Variants in CUX1 observed in about 807,000 individuals in gnomAD.
CUX1 encodes the protein cut like homeobox 1.
A neutral mutation model predicts 158.8 loss-of-function variants in CUX1; 31 were observed. The ratio of observed to expected loss-of-function variants is 0.20; its 90% CI spans 0.15 to 0.26. The LOEUF (loss-of-function observed/expected upper bound fraction) is 0.26, where lower values mean the gene tolerates loss of function less well. Among genes scored for constraint, CUX1 ranks in the 10% least tolerant of loss-of-function variants. CUX1 has a pLI of 1.00. For missense variants in CUX1, 1,589 were observed against 2,014.6 expected, an observed-to-expected ratio of 0.79 and a Z score of 4.04; for synonymous variants, 879 against 862.1, an observed-to-expected ratio of 1.02 and a Z score of -0.34.
At chr7:101,946,187 C>G (rs1808343103) in intron 2 of CUX1, among the ~76,000 whole-genome samples, 1 of 152,108 alleles carries the variant, frequency 6.6e-6, no homozygotes, top group African/African-American at 2.4e-5. Flanking sequence ...CGGCAGCTTT[C>G]TCTGGACCCG....
chr7:102,085,362 A>G (rs1393228631), intron 4 of CUX1, among the ~76,000 whole-genome samples: 1 of 152,112 alleles, frequency 6.6e-6, no homozygotes, highest in Non-Finnish European at 1.5e-5. Context: ...TTCCCATGCT[A>G]TCTCATCTTG....
At chr7:101,896,267 G>A (rs1801506374) in intron 1 of CUX1, among the ~76,000 whole-genome samples, 1 of 152,090 alleles carries the variant, frequency 6.6e-6, no homozygotes, top group African/African-American at 2.4e-5. Flanking sequence ...GCAGGTCGTG[G>A]GCAGCCTTGC....
chr7:101,901,264 T>C (rs536025260), intron 1 of CUX1, among the ~76,000 whole-genome samples: 9 of 152,054 alleles, frequency 5.9e-5, no homozygotes, highest in Non-Finnish European at 7.4e-5. Flanking sequence ...TCACCAGCCT[T>C]CTTCTACTTG....
intron 2 of CUX1, among the ~76,000 whole-genome samples, chr7:102,019,185 C>T (rs898994083): frequency 3.3e-5 from 5 of 152,014 alleles, no homozygotes; most frequent in Non-Finnish European, 7.4e-5. Flanking sequence ...ACCGCCCCCG[C>T]GCCCCCCTCC....
chr7:102,201,833 A>G lies in CUX1; in HGVS notation c.2536A>G (p.Thr846Ala), dbSNP rs2132036802. ...ASSEEAKAEE[T>A]GGGKEKGSGG... ...CTCCGAGGAGGCCAAGGCCGAAGAAACGGGCGGCGGGAAAGAGAAGGGCAG... is the reference window on the plus strand; with the variant it reads ...CTCCGAGGAGGCCAAGGCCGAAGAAGCGGGCGGCGGGAAAGAGAAGGGCAG... The change falls in exon 18 of 24, where the codon ACG becomes GCG. Residue 846 changes from threonine (T) to alanine (A), a missense_variant. Thr to Ala is a moderately conservative substitution (Grantham distance 58). Around this residue, in one of 8 missense-constraint regions of CUX1, gnomAD observed 337 missense variants for 409.3 expected, o/e 0.82. Transcript: ENST00000292535. The surrounding 1 kb of genome is among the most constrained non-coding windows in gnomAD (Gnocchi z 5.0). The G allele has an allele frequency of 1.2e-6, 2 of 1,613,142 alleles. No individual in the cohort carries two copies. The highest frequency in any genetic ancestry group is 1.7e-6 in the Non-Finnish European group (2 of 1,179,866).
chr7:102,118,616 T>G (rs1165593607), intron 8 of CUX1, among the ~76,000 whole-genome samples: 1 of 152,182 alleles, frequency 6.6e-6, no homozygotes, highest in Non-Finnish European at 1.5e-5. Context: ...AAAGACTGAC[T>G]TGGGATTGAT....
chr7:102,253,719 G>A lies in CUX1; in HGVS notation c.*4677G>A. ...ATGACAGGCGCTTCTTGGCAGACCA[G>A]TAAAAACAAAAGCCCATAGACCTTA... On this transcript the variant is annotated 3_prime_UTR_variant, in exon 24 of 24. Transcript: ENST00000292535. 1 of 985,432 alleles carries A rather than the reference G, an allele frequency of 1.0e-6. No homozygotes were observed. The highest frequency in any genetic ancestry group is 1.2e-6 in the Non-Finnish European group (1 of 829,948). 61.0% of individuals were successfully genotyped at this position (985,432 alleles called of 1,614,324 possible).
chr7:102,222,806 C>T lies in CUX1; in HGVS notation c.3131-4561C>T, dbSNP rs545298826. On this transcript the variant is annotated intron_variant, in intron 20 of 23. Transcript: ENST00000292535. The stretch of plus-strand genomic sequence containing the variant: ...CTCCTGGCTGTGTGTCTCGGGGCAC[C>T]GTATCTTTTTTTTTTTTTTTTTTTT... 4.3e-4 allele frequency among the ~76,000 whole-genome samples: 19 copies of T among 44,332 alleles called. 1 individual carries two copies. The East Asian group carries it at 0.025, about 59-fold the overall frequency. 29.1% of individuals were successfully genotyped at this position (44,332 alleles called of 152,430 possible). A position where few individuals can be genotyped will look rare whatever the true frequency, so the allele number is the denominator to read the frequency against.
At chr7:102,115,070 T>G in intron 7 of CUX1, 137 bp from the exon 8 acceptor site, 2 of 717,124 alleles carry the variant, frequency 2.8e-6, no homozygotes, top group Non-Finnish European at 4.7e-6. Context: ...GCCTCTTTTG[T>G]GTGTTTTTAA....
At chr7:102,228,740 G>T (rs1183183976) in intron 21 of CUX1, among the ~76,000 whole-genome samples, 1 of 152,184 alleles carries the variant, frequency 6.6e-6, no homozygotes, top group Non-Finnish European at 1.5e-5. Flanking sequence ...TTAGGCTGCA[G>T]TGAGCTATGA....
At chr7:102,148,557 AAAAAAAC>A (rs1835256029) in intron 8 of CUX1, among the ~76,000 whole-genome samples, 1 of 151,728 alleles carries the variant, frequency 6.6e-6, no homozygotes, top group African/African-American at 2.4e-5. Flanking sequence ...ACAAACAAAC[AAAAAAAC>A]AAAAAACAAA....
intron 3 of CUX1, among the ~76,000 whole-genome samples, chr7:102,064,510 C>T (rs926098532): frequency 2.6e-5 from 4 of 151,894 alleles, no homozygotes; most frequent in Non-Finnish European, 1.5e-5. Flanking sequence ...TCAGAGGGAG[C>T]TGTGTTACCA....
intron 2 of CUX1, among the ~76,000 whole-genome samples, chr7:101,950,036 C>T (rs548563671): frequency 3.3e-4 from 51 of 152,298 alleles, no homozygotes; most frequent in African/African-American, 1.2e-3. Flanking sequence ...GAGACAGAGT[C>T]TCACCCTGTC....
At chr7:102,067,901 G>C (rs989298560) in intron 3 of CUX1, among the ~76,000 whole-genome samples, 2 of 151,600 alleles carry the variant, frequency 1.3e-5, no homozygotes, top group Non-Finnish European at 2.9e-5. Context: ...CACTCCTGTA[G>C]TCTCAGCTAC....
At chr7:102,019,018 G>T (rs1340510696) in intron 2 of CUX1, among the ~76,000 whole-genome samples, 1 of 152,102 alleles carries the variant, frequency 6.6e-6, no homozygotes, top group Non-Finnish European at 1.5e-5. Flanking sequence ...TGGCTTAGTG[G>T]CATTGGCATC....
chr7:101,950,362 A>C (rs1393726253), intron 2 of CUX1, among the ~76,000 whole-genome samples: 2 of 152,140 alleles, frequency 1.3e-5, no homozygotes, highest in Non-Finnish European at 2.9e-5. Context: ...TCCCAAAAAA[A>C]CCCAGAAAAT....
intron 8 of CUX1, among the ~76,000 whole-genome samples, chr7:102,125,160 G>A (rs952271964): frequency 6.6e-5 from 10 of 152,286 alleles, no homozygotes; most frequent in South Asian, 2.1e-4. Flanking sequence ...GGCTTAGCAC[G>A]TCGTGGCTCT....
At chr7:101,895,187 AT>A (rs1267360433) in intron 1 of CUX1, among the ~76,000 whole-genome samples, 1 of 151,808 alleles carries the variant, frequency 6.6e-6, no homozygotes, top group Non-Finnish European at 1.5e-5. Flanking sequence ...CGCCTGGCTA[AT>A]TTTTGTATTT....
chr7:101,986,019 G>A (rs1814258907), intron 2 of CUX1, among the ~76,000 whole-genome samples: 1 of 152,220 alleles, frequency 6.6e-6, no homozygotes, highest in African/African-American at 2.4e-5. Flanking sequence ...GAGACCTGCC[G>A]CTTCTGACTG....
Sources: allele counts gnomAD v4.1 joint callset (sites outside exome capture counted in the v4.1 genomes callset), GRCh38; gene constraint gnomAD v4.1.1; regional missense constraint gnomAD v4.1.1; non-coding constraint Gnocchi (gnomAD v3.1); transcripts MANE v1.5; gene names NCBI Gene and HGNC (gene_info 2026-07-23, HGNC 2026-07-21).